Variants in CFAP251 observed in about 807,000 individuals in gnomAD.
CFAP251 encodes the protein cilia and flagella associated protein 251.
Under a neutral mutation model 126.7 loss-of-function variants are expected in CFAP251, and 93 were observed. That is an observed-to-expected ratio of 0.73 (90% CI 0.62 to 0.87). The LOEUF is 0.87. Among genes scored for constraint, CFAP251 ranks in the 40% least tolerant of loss-of-function variants. CFAP251 has a pLI of 0.00. For synonymous variants in CFAP251, 503 were observed against 506.9 expected (o/e 0.99, Z 0.10); for missense variants, 1,287 against 1,389.2 (o/e 0.93, Z 1.17).
chr12:121,922,496 C>T (rs1006440207), intron 2 of CFAP251, among the ~76,000 whole-genome samples: 1 of 152,136 alleles, frequency 6.6e-6, no homozygotes, highest in African/African-American at 2.4e-5. Flanking sequence ...GGCCTCTTAA[C>T]TCAGTTTGGA....
intron 19 of CFAP251, among the ~76,000 whole-genome samples, chr12:121,980,706 G>A (rs972382933): frequency 1.5e-4 from 23 of 152,046 alleles, no homozygotes; most frequent in African/African-American, 3.9e-4. Context: ...CTGTTCCCAC[G>A]GCCGCTGCAC....
intron 10 of CFAP251, among the ~76,000 whole-genome samples, chr12:121,956,654 C>T (rs551789385): frequency 3.9e-5 from 6 of 152,264 alleles, no homozygotes; most frequent in African/African-American, 1.4e-4. Context: ...CACCACCACA[C>T]CTGACTAATT....
At chr12:121,990,478 G>GGC (rs1882851710) in intron 19 of CFAP251, among the ~76,000 whole-genome samples, 1 of 152,122 alleles carries the variant, frequency 6.6e-6, no homozygotes, top group African/African-American at 2.4e-5. Context: ...GCTCGGGGTG[G>GGC]GCACCTCCTC....
intron 18 of CFAP251, 69 bp downstream of exon 18, chr12:121,975,403 G>C (rs1882432858): frequency 1.3e-6 from 2 of 1,574,812 alleles, no homozygotes; most frequent in Non-Finnish European, 1.7e-6. Flanking sequence ...TGTGCCCAGG[G>C]TTAACCTTGC....
At chr12:121,924,967 T>C (rs959214054) in intron 3 of CFAP251, among the ~76,000 whole-genome samples, 1 of 150,812 alleles carries the variant, frequency 6.6e-6, no homozygotes, top group Non-Finnish European at 1.5e-5. Context: ...CTTCTTCCCT[T>C]CCCTCTTCTT....
chr12:121,962,887 G>A (rs830128), intron 15 of CFAP251, among the ~76,000 whole-genome samples: 5,383 of 152,058 alleles, frequency 0.035, 302 homozygotes, highest in African/African-American at 0.12. Flanking sequence ...GGTGGGAGGC[G>A]TCTGGGGTTT....
intron 5 of CFAP251, 56 bp from the exon 6 acceptor site, chr12:121,942,478 C>G: frequency 7.4e-7 from 1 of 1,347,798 alleles, no homozygotes; most frequent in Non-Finnish European, 1.0e-6. Flanking sequence ...CCCTGGGACT[C>G]TCTGGGAAGC....
At chr12:121,952,587 C>G (rs997963187) in intron 9 of CFAP251, 1 of 152,034 alleles carries the variant, frequency 6.6e-6, no homozygotes, top group Admixed American at 6.6e-5. Context: ...TTTATCTTGC[C>G]TGCTTGCCGC....
chr12:121,924,876 A>G (rs1880347352), intron 3 of CFAP251, among the ~76,000 whole-genome samples: 1 of 151,940 alleles, frequency 6.6e-6, no homozygotes, highest in Non-Finnish European at 1.5e-5. Flanking sequence ...ATAGGGTGCT[A>G]TTTCACGTGG....
intron 17 of CFAP251, among the ~76,000 whole-genome samples, chr12:121,968,533 C>A (rs1882228070): frequency 7.6e-6 from 1 of 131,330 alleles, no homozygotes; most frequent in African/African-American, 2.4e-5. Context: ...ATTTTCGGCT[C>A]CTCTTCTCAC....
In CFAP251 at chr12:121,962,054, A is replaced by G. The variant is rs767352421; in HGVS notation, c.2384A>G (p.Tyr795Cys). The G allele has an allele frequency of 9.9e-6, 16 of 1,614,024 alleles. No homozygotes were observed. Among genetic ancestry groups the G allele is most frequent in the Non-Finnish European group, 1.4e-5 (16 of 1,180,030 alleles). ...LDIHHTDQGCYPTCMVWYPPL... is the reference protein window; with the variant it reads ...LDIHHTDQGCCPTCMVWYPPL... ...ATTCACCACACCGACCAGGGCTGCT[A>G]TCCCACCTGCATGGTCTGGTACCCA... Residue 795 changes from tyrosine (Y) to cysteine (C), a missense_variant, in exon 15 of 22, where the codon TAT (tyrosine) becomes TGT (cysteine). Transcript: ENST00000288912.
intron 5 of CFAP251, among the ~76,000 whole-genome samples, chr12:121,936,055 C>T (rs1042396153): frequency 2.0e-5 from 3 of 152,218 alleles, no homozygotes; most frequent in Non-Finnish European, 4.4e-5. Context: ...GCTCATCTGT[C>T]AGCTGGTCCT....
At chr12:121,942,160 T>C (rs2135763480) in intron 5 of CFAP251, among the ~76,000 whole-genome samples, 1 of 152,288 alleles carries the variant, frequency 6.6e-6, no homozygotes, top group Non-Finnish European at 1.5e-5. Flanking sequence ...TGACATTTAA[T>C]ACATTTACAC....
At chr12:121,976,182 T>C (rs1592998216) in intron 19 of CFAP251, among the ~76,000 whole-genome samples, 1 of 152,028 alleles carries the variant, frequency 6.6e-6, no homozygotes, top group African/African-American at 2.4e-5. Context: ...CTAATTTTTG[T>C]ATTTTTAGTA....
At chr12:121,980,182 T>C (rs1456905259) in intron 19 of CFAP251, among the ~76,000 whole-genome samples, 1 of 152,190 alleles carries the variant, frequency 6.6e-6, no homozygotes. Context: ...GCGTGGGCAC[T>C]CTCCTTCTTG....
intron 5 of CFAP251, among the ~76,000 whole-genome samples, chr12:121,937,218 C>CT (rs932160492): frequency 4.6e-5 from 7 of 152,290 alleles, no homozygotes; most frequent in Admixed American, 3.9e-4. Context: ...GGCCTCTCCC[C>CT]TTGCTTCTGC....
chr12:121,989,453 G>A lies in CFAP251; in HGVS notation c.3007-10263G>A, dbSNP rs146756941. ...CAGTCGCCATCCAGATCTAGTTCCT[G>A]GAGGGAGGTATGGAGCAGTTGGGGT... On this transcript the variant is annotated intron_variant, in intron 19 of 21. Transcript: ENST00000288912. This position sits in a 1 kb window ranked among gnomAD's most constrained non-coding sequence, Gnocchi z 4.2. Among the ~76,000 whole-genome samples the A allele has an allele frequency of 3.2e-4, 49 of 152,264 alleles. No homozygotes were observed. The highest frequency in any genetic ancestry group is 4.8e-4 in the Non-Finnish European group (33 of 68,048).
At chr12:121,994,043 G>A (rs1178438943) in intron 19 of CFAP251, among the ~76,000 whole-genome samples, 1 of 95,920 alleles carries the variant, frequency 1.0e-5, no homozygotes, top group Non-Finnish European at 2.2e-5. Context: ...CAGCCCCCCC[G>A]CCTGGCCAGC....
chr12:121,933,343 G>A (rs1880765183), intron 4 of CFAP251: 5 of 152,470 alleles, frequency 3.3e-5, no homozygotes, highest in Admixed American at 3.3e-4. Context: ...GGAGCAACAA[G>A]TGTTCAGGCC....
Sources: allele counts gnomAD v4.1 joint callset (sites outside exome capture counted in the v4.1 genomes callset), GRCh38; gene constraint gnomAD v4.1.1; non-coding constraint Gnocchi (gnomAD v3.1); transcripts MANE v1.5; gene names NCBI Gene and HGNC (gene_info 2026-07-23, HGNC 2026-07-21).